The following CLASP2 variants were observed in gnomAD, a reference collection of about 807,000 sequenced individuals.
CLASP2 encodes CLIP-associating protein 2.
CLASP2 carries 47 observed loss-of-function variants against 194.4 expected under a neutral mutation model. The ratio of observed to expected loss-of-function variants is 0.24; its 90% CI spans 0.19 to 0.31. The LOEUF is 0.31. Ranked by LOEUF, CLASP2 falls within the 10% of genes least tolerant of loss-of-function variation. The pLI, the probability that CLASP2 is intolerant of heterozygous loss-of-function variation, is 1.00. For missense variants in CLASP2, 1,445 were observed against 1,823.6 expected (o/e 0.79, Z 3.78); for synonymous variants, 619 against 633.5 (o/e 0.98, Z 0.34).
At position 33,673,841 on chromosome 3, in the gene CLASP2, A is replaced by C. The variant is rs1380131441; in HGVS notation, c.645-10326T>G. On this transcript the variant is annotated intron_variant, in intron 6 of 38. Coordinates refer to ENST00000682230, the MANE Select transcript of CLASP2 (RefSeq NM_001365631.1). Reference sequence around the variant, plus strand: ...TAAACCAACAAAGATCAAAAGAGACAAAGAAGGCCATTACATAATGGTAAA... The same window carrying C: ...TAAACCAACAAAGATCAAAAGAGACCAAGAAGGCCATTACATAATGGTAAA... Among the ~76,000 whole-genome samples, 4 of 152,206 alleles carry C rather than the reference A, an allele frequency of 2.6e-5. No homozygotes were observed. The East Asian group carries it at 7.7e-4, about 29-fold the overall frequency.
At chr3:33,547,262 C>T (rs1437856198) in intron 30 of CLASP2, among the ~76,000 whole-genome samples, 1 of 152,162 alleles carries the variant, frequency 6.6e-6, no homozygotes, top group Non-Finnish European at 1.5e-5. Flanking sequence ...GAATAAGTCT[C>T]ATGAGATCTG....
chr3:33,621,048 CCCT>C (rs760946831), intron 11 of CLASP2, among the ~76,000 whole-genome samples: 1 of 146,206 alleles, frequency 6.8e-6, no homozygotes, highest in Non-Finnish European at 1.5e-5. Context: ...TGTGAATCTC[CCCT>C]CTTCTCTCCA....
intron 28 of CLASP2, 88 bp downstream of exon 28, chr3:33,560,720 G>T: frequency 8.6e-7 from 1 of 1,157,400 alleles, no homozygotes; most frequent in Non-Finnish European, 1.2e-6. Context: ...ATTGTTCAAA[G>T]GGACCCAGAA....
intron 38 of CLASP2, among the ~76,000 whole-genome samples, chr3:33,499,691 C>T (rs2046400383): frequency 6.6e-6 from 1 of 152,074 alleles, no homozygotes; most frequent in Non-Finnish European, 1.5e-5. Flanking sequence ...ACTAATATAA[C>T]ATTAAAGTAA....
rs1203833186 is a variant in CLASP2 at position 33,547,606 on chromosome 3, G to A, written c.3154-2765C>T. On this transcript the variant is annotated intron_variant, in intron 30 of 38. Transcript: ENST00000682230. The stretch of plus-strand genomic sequence containing the variant: ...GTCTGTAGTGTCTTTTTTGATGTGC[G>A]ATGTCTCTGTCTAGTTTTGGTATCA... Among the ~76,000 whole-genome samples the A allele has an allele frequency of 4.6e-5, 7 of 152,056 alleles. No homozygotes were observed. In the East Asian group the frequency reaches 5.8e-4, roughly 13 times the overall value.
chr3:33,604,971 T>C (rs758002659), intron 16 of CLASP2, among the ~76,000 whole-genome samples: 1 of 152,246 alleles, frequency 6.6e-6, no homozygotes, highest in Non-Finnish European at 1.5e-5. Context: ...CGTGTAATGT[T>C]TAAGCTAACA....
intron 1 of CLASP2, among the ~76,000 whole-genome samples, chr3:33,705,419 A>T (rs182708486): frequency 5.3e-5 from 8 of 152,322 alleles, no homozygotes; most frequent in Non-Finnish European, 8.8e-5. Flanking sequence ...TATAATAGCT[A>T]AAAGGTAAAG....
chr3:33,552,816 T>C (rs1009159280), intron 29 of CLASP2, among the ~76,000 whole-genome samples: 1 of 152,182 alleles, frequency 6.6e-6, no homozygotes, highest in South Asian at 2.1e-4. Flanking sequence ...TTATTCATCC[T>C]ATAGATCTGC....
chr3:33,546,498 A>G (rs2059170466), intron 30 of CLASP2, among the ~76,000 whole-genome samples: 1 of 152,214 alleles, frequency 6.6e-6, no homozygotes, highest in Non-Finnish European at 1.5e-5. Flanking sequence ...TCAAAGTAAT[A>G]CATACATACA....
chr3:33,576,567 T>C (rs572872108), intron 23 of CLASP2: 4 of 340,878 alleles, frequency 1.2e-5, no homozygotes, highest in Non-Finnish European at 1.6e-5. Flanking sequence ...TCTATAGCCC[T>C]GTAATCCAGC....
intron 9 of CLASP2, among the ~76,000 whole-genome samples, chr3:33,631,977 T>C (rs2154293504): frequency 6.6e-6 from 1 of 152,344 alleles, no homozygotes; most frequent in South Asian, 2.1e-4. Flanking sequence ...ACTTCAATTA[T>C]ATCTATATGA....
Position 33,645,491 on chromosome 3 carries a change from G to A in CLASP2, c.716-588C>T, listed in dbSNP as rs375692949. 4.2e-4 allele frequency: 240 copies of A among 575,790 alleles called. 6 individuals are homozygous for A. Among genetic ancestry groups the A allele is most frequent in the East Asian group, 3.8e-3 (135 of 35,934 alleles). The allele number at this position is 575,790 out of a possible 1,614,324, so 35.7% of individuals were successfully genotyped here. A position where few individuals can be genotyped will look rare whatever the true frequency, so the allele number is the denominator to read the frequency against. ...CTTTCTCTTCCCTGCCCTAGGTGCTGTAACAGCCAATCAGCTACAAGGTGA... is the reference window on the plus strand; with the variant it reads ...CTTTCTCTTCCCTGCCCTAGGTGCTATAACAGCCAATCAGCTACAAGGTGA... On this transcript the variant is annotated intron_variant, in intron 7 of 38. Transcript: ENST00000682230.
chr3:33,617,633 T>A (rs1559400331), intron 12 of CLASP2, among the ~76,000 whole-genome samples: 1 of 152,010 alleles, frequency 6.6e-6, no homozygotes, highest in Non-Finnish European at 1.5e-5. Context: ...TGAAGCAATG[T>A]CAGACTGTAG....
intron 18 of CLASP2, among the ~76,000 whole-genome samples, chr3:33,601,389 T>C (rs1480180209): frequency 6.6e-6 from 1 of 152,238 alleles, no homozygotes; most frequent in Non-Finnish European, 1.5e-5. Context: ...TGGTATTTGT[T>C]GGCCATTTTG....
At chr3:33,688,677 T>C (rs941415153) in intron 3 of CLASP2, among the ~76,000 whole-genome samples, 2 of 152,222 alleles carry the variant, frequency 1.3e-5, no homozygotes, top group African/African-American at 4.8e-5. Context: ...TCTTCTATAA[T>C]TAAGAAACCT....
intron 27 of CLASP2, among the ~76,000 whole-genome samples, chr3:33,565,105 A>G (rs1224029258): frequency 3.3e-5 from 5 of 152,094 alleles, no homozygotes; most frequent in Non-Finnish European, 7.4e-5. Flanking sequence ...TGACAATAAT[A>G]AAGATCTTTA....
chr3:33,621,771 G>GA (rs1372255862), intron 11 of CLASP2, among the ~76,000 whole-genome samples: 1 of 152,124 alleles, frequency 6.6e-6, no homozygotes, highest in Non-Finnish European at 1.5e-5. Context: ...TGTAATGCCA[G>GA]AATAATTGCT....
chr3:33,667,695 C>A lies in CLASP2; in HGVS notation c.645-4180G>T, dbSNP rs547951056. Among the ~76,000 whole-genome samples the A allele has an allele frequency of 3.9e-5, 6 of 152,070 alleles. No homozygotes were observed. In the Middle Eastern group the frequency reaches 0.01, roughly 259 times the overall value. ...AGTGAGGAAGAGTTGCAACTTCATTCTTTTGCCTGGGGATATCCAGTTTAT... is the reference window on the plus strand; with the variant it reads ...AGTGAGGAAGAGTTGCAACTTCATTATTTTGCCTGGGGATATCCAGTTTAT... On this transcript the variant is annotated intron_variant, in intron 6 of 38. Coordinates refer to ENST00000682230, the MANE Select transcript of CLASP2 (RefSeq NM_001365631.1).
intron 8 of CLASP2, among the ~76,000 whole-genome samples, chr3:33,635,036 G>C (rs1042774244): frequency 1.3e-5 from 2 of 151,976 alleles, no homozygotes; most frequent in Non-Finnish European, 2.9e-5. Context: ...CAGACTGCCT[G>C]AGCTCAGGAA....
Sources: allele counts gnomAD v4.1 joint callset (sites outside exome capture counted in the v4.1 genomes callset), GRCh38; gene constraint gnomAD v4.1.1; transcripts MANE v1.5; gene names NCBI Gene and HGNC (gene_info 2026-07-23, HGNC 2026-07-21).